The following KCNIP4 variants were observed in gnomAD, a reference collection of about 807,000 sequenced individuals.
The protein encoded by KCNIP4 is potassium voltage-gated channel interacting protein 4, also known as Kv channel-interacting protein 4.
KCNIP4 carries 12 observed loss-of-function variants against 34.0 expected under a neutral mutation model. The observed-to-expected ratio is 0.35, with a 90% confidence interval of 0.23 to 0.57. The LOEUF is 0.57. Among genes scored for constraint, KCNIP4 ranks in the 20% least tolerant of loss-of-function variants. KCNIP4 has a pLI of 0.83. For synonymous variants in KCNIP4, 124 were observed against 102.2 expected, an observed-to-expected ratio of 1.21 and a Z score of -1.29; for missense variants, 238 against 311.7, an observed-to-expected ratio of 0.76 and a Z score of 1.78.
At chr4:21,249,868 C>G (rs1444358853) in intron 1 of KCNIP4, among the ~76,000 whole-genome samples, 1 of 152,022 alleles carries the variant, frequency 6.6e-6, no homozygotes, top group East Asian at 1.9e-4. Flanking sequence ...AAATTTTCCC[C>G]TTTAAACATT....
chr4:21,904,583 A>G (rs552223117), intron 1 of KCNIP4, among the ~76,000 whole-genome samples: 5 of 152,364 alleles, frequency 3.3e-5, no homozygotes, highest in African/African-American at 1.2e-4. Context: ...GGGTCAAAAC[A>G]GTGGAGTCAT....
intron 1 of KCNIP4, among the ~76,000 whole-genome samples, chr4:21,074,755 G>A (rs980368744): frequency 1.3e-5 from 2 of 152,094 alleles, no homozygotes; most frequent in East Asian, 3.8e-4. Flanking sequence ...GATCTTTCCT[G>A]CTTTCTCTTG....
chr4:20,753,685 A>G (rs1455986497), intron 4 of KCNIP4, among the ~76,000 whole-genome samples: 1 of 152,214 alleles, frequency 6.6e-6, no homozygotes, highest in East Asian at 1.9e-4. Context: ...AGACAAGTTC[A>G]TATGTGTGAA....
intron 1 of KCNIP4, among the ~76,000 whole-genome samples, chr4:21,890,964 T>C (rs1389546057): frequency 6.6e-6 from 1 of 151,904 alleles, no homozygotes; most frequent in Non-Finnish European, 1.5e-5. Context: ...AAGCATGCAG[T>C]TTATATAGCA....
chr4:21,066,815 G>T (rs544527806), intron 1 of KCNIP4, among the ~76,000 whole-genome samples: 1 of 152,268 alleles, frequency 6.6e-6, no homozygotes, highest in African/African-American at 2.4e-5. Context: ...GGCAGTCTAG[G>T]CCATGAGGAC....
intron 1 of KCNIP4, among the ~76,000 whole-genome samples, chr4:20,936,445 A>T (rs190362270): frequency 4.6e-5 from 7 of 151,950 alleles, no homozygotes; most frequent in African/African-American, 1.7e-4. Flanking sequence ...GCCCCGTCCT[A>T]AAGATTTCAT....
intron 1 of KCNIP4, among the ~76,000 whole-genome samples, chr4:21,648,335 T>C (rs376117572): frequency 9.2e-5 from 14 of 152,322 alleles, no homozygotes; most frequent in African/African-American, 2.9e-4. Context: ...GGCAAGTGTT[T>C]TAATTTATTA....
chr4:21,670,846 C>T (rs1286131122), intron 1 of KCNIP4, among the ~76,000 whole-genome samples: 1 of 151,860 alleles, frequency 6.6e-6, no homozygotes, highest in African/African-American at 2.4e-5. Flanking sequence ...TTAGTAGAGA[C>T]GGGGTTTCAC....
chr4:21,205,666 A>G (rs555274128), intron 1 of KCNIP4, among the ~76,000 whole-genome samples: 1 of 152,324 alleles, frequency 6.6e-6, no homozygotes, highest in African/African-American at 2.4e-5. Flanking sequence ...TAACTAGTCT[A>G]TGAGTAGATG....
At chr4:21,504,959 T>C (rs1184793064) in intron 1 of KCNIP4, among the ~76,000 whole-genome samples, 1 of 152,184 alleles carries the variant, frequency 6.6e-6, no homozygotes, top group Non-Finnish European at 1.5e-5. Flanking sequence ...TAAAAGTTTA[T>C]TAATATTCAC....
At chr4:21,115,347 A>T (rs1331875251) in intron 1 of KCNIP4, among the ~76,000 whole-genome samples, 1 of 152,206 alleles carries the variant, frequency 6.6e-6, no homozygotes, top group African/African-American at 2.4e-5. Flanking sequence ...AAGGTCAGGG[A>T]CTACAAATTT....
At chr4:21,719,697 T>G (rs1714646718) in intron 1 of KCNIP4, among the ~76,000 whole-genome samples, 1 of 152,054 alleles carries the variant, frequency 6.6e-6, no homozygotes. Flanking sequence ...GCATGGTGGC[T>G]CAAGCCTGTA....
chr4:20,828,821 G>A (rs757400282), intron 3 of KCNIP4, among the ~76,000 whole-genome samples: 1 of 152,138 alleles, frequency 6.6e-6, no homozygotes, highest in East Asian at 1.9e-4. Flanking sequence ...TATGGATGCT[G>A]GATGCAAGGA....
intron 1 of KCNIP4, among the ~76,000 whole-genome samples, chr4:20,916,645 T>C (rs895154465): frequency 2.6e-5 from 4 of 152,104 alleles, no homozygotes; most frequent in African/African-American, 7.2e-5. Context: ...GTAGCTTCTG[T>C]TAGCTAAACA....
intron 1 of KCNIP4, among the ~76,000 whole-genome samples, chr4:21,151,710 C>G (rs1200633816): frequency 6.6e-5 from 10 of 152,062 alleles, no homozygotes; most frequent in Admixed American, 6.6e-4. Context: ...CGATTCAGTC[C>G]ACAGCCCTCC....
In KCNIP4 at chr4:21,762,912, AG is replaced by A. The variant is rs998425948; in HGVS notation, c.61+185658del. On this transcript the variant is annotated intron_variant, in intron 1 of 8. Coordinates refer to ENST00000382152, the MANE Select transcript of KCNIP4 (RefSeq NM_025221.6). ...GTGTAGGTGGATGGAATTGGAGGGA[AG>A]GACTCACATGATGATCTGACAGGTG... 2.1e-4 allele frequency: 275 copies of A among 1,287,342 alleles called. 1 individual carries two copies. The African/African-American group carries it at 3.9e-3, about 18-fold the overall frequency. 79.7% of individuals were successfully genotyped at this position (1,287,342 alleles called of 1,614,324 possible).
chr4:21,467,274 C>T (rs545149945), intron 1 of KCNIP4, among the ~76,000 whole-genome samples: 107 of 152,198 alleles, frequency 7.0e-4, no homozygotes, highest in African/African-American at 2.5e-3. Flanking sequence ...GTTTGTATAA[C>T]AAGAGTTAAT....
At chr4:20,860,583 T>C (rs1560522286) in intron 2 of KCNIP4, among the ~76,000 whole-genome samples, 1 of 152,244 alleles carries the variant, frequency 6.6e-6, no homozygotes, top group African/African-American at 2.4e-5. Context: ...TTGACTTATA[T>C]TGCTTTATCT....
chr4:20,825,844 A>G (rs991722482), intron 3 of KCNIP4, among the ~76,000 whole-genome samples: 2 of 152,208 alleles, frequency 1.3e-5, no homozygotes, highest in African/African-American at 4.8e-5. Flanking sequence ...ACCCTTGAAG[A>G]TGAAAGAATT....
Sources: gnomAD v4.1 joint callset for allele counts (sites outside exome capture counted in the v4.1 genomes callset) on GRCh38, gnomAD v4.1.1 for gene constraint, MANE v1.5 for transcripts, NCBI Gene and HGNC (gene_info 2026-07-23, HGNC 2026-07-21) for gene names.